BCL7A: variants seen among roughly 807,000 people sequenced by gnomAD.
BCL7A encodes the protein B-cell CLL/lymphoma 7 protein family member A.
Under a neutral mutation model 28.4 loss-of-function variants are expected in BCL7A, and 11 were observed. That is an observed-to-expected ratio of 0.39 (90% CI 0.24 to 0.64). BCL7A has a LOEUF of 0.64. Among genes scored for constraint, BCL7A ranks in the 30% least tolerant of loss-of-function variants. The pLI, the probability that BCL7A is intolerant of heterozygous loss-of-function variation, is 0.50. For synonymous variants in BCL7A, 123 were observed against 103.3 expected (o/e 1.19, Z -1.15); for missense variants, 222 against 274.8 (o/e 0.81, Z 1.36).
At chr12:122,024,226 T>C (rs932529699) in intron 1 of BCL7A, among the ~76,000 whole-genome samples, 1 of 152,306 alleles carries the variant, frequency 6.6e-6, no homozygotes, top group Non-Finnish European at 1.5e-5. Context: ...GGCTTTGGGA[T>C]CTCATGGTCC....
At chr12:122,049,540 G>A (rs992099751) in intron 4 of BCL7A, among the ~76,000 whole-genome samples, 2 of 152,016 alleles carry the variant, frequency 1.3e-5, no homozygotes, top group African/African-American at 2.4e-5. Context: ...AAAATAGCCC[G>A]GTGTGGTGGT....
In BCL7A at chr12:122,059,315, G is replaced by A. The variant is rs1951901009; in HGVS notation, c.*152G>A. On this transcript the variant is annotated 3_prime_UTR_variant, in exon 6 of 6. Transcript: ENST00000261822. This position sits in a 1 kb window ranked among gnomAD's most constrained non-coding sequence, Gnocchi z 4.0. ...TGCAAATCCAAGAAGACCCAGAACG[G>A]CGTCACTTCTCAGACACTGAAGAAC... 5 of 672,900 alleles carry A rather than the reference G, an allele frequency of 7.4e-6. No homozygotes were observed. Among genetic ancestry groups the A allele is most frequent in the Non-Finnish European group, 1.3e-5 (5 of 397,948 alleles). The allele number at this position is 672,900 out of a possible 1,614,324, so 41.7% of individuals were successfully genotyped here.
At position 122,043,879 on chromosome 12, in the gene BCL7A, C is replaced by G. The variant is rs371454940; in HGVS notation, c.272-7C>G. On this transcript the variant is annotated splice_polypyrimidine_tract_variant and splice_region_variant and intron_variant, in intron 3 of 5. Coordinates refer to ENST00000261822, the MANE Select transcript of BCL7A (RefSeq NM_001024808.3). Reference sequence around the variant, plus strand: ...TCATCCTGTGGTTCTGTTCCCACCCCCTACAGACGATAACAGCAACCAGAG... The same window carrying G: ...TCATCCTGTGGTTCTGTTCCCACCCGCTACAGACGATAACAGCAACCAGAG... The G allele has an allele frequency of 2.1e-5, 34 of 1,610,040 alleles. No homozygotes were observed. The East Asian group carries it at 2.5e-4, about 12-fold the overall frequency.
chr12:122,049,662 G>A (rs932461860), intron 4 of BCL7A, among the ~76,000 whole-genome samples: 10 of 152,072 alleles, frequency 6.6e-5, no homozygotes, highest in Admixed American at 3.9e-4. Flanking sequence ...AATACTTCCC[G>A]TTCAAGTCTG....
chr12:122,024,214 C>T (rs1179469566), intron 1 of BCL7A, among the ~76,000 whole-genome samples: 1 of 152,242 alleles, frequency 6.6e-6, no homozygotes, highest in African/African-American at 2.4e-5. Context: ...CTGAAGACCT[C>T]AGGCTTTGGG....
At chr12:122,037,704 T>C (rs2135847849) in intron 3 of BCL7A, among the ~76,000 whole-genome samples, 1 of 152,166 alleles carries the variant, frequency 6.6e-6, no homozygotes, top group East Asian at 1.9e-4. Context: ...CCCAGCACTT[T>C]GGGAGGCTGA....
At chr12:122,052,223 G>A (rs1884206851) in intron 4 of BCL7A, among the ~76,000 whole-genome samples, 1 of 152,052 alleles carries the variant, frequency 6.6e-6, no homozygotes, top group Non-Finnish European at 1.5e-5. Flanking sequence ...AACTAGAGAT[G>A]AGATTTCACT....
intron 1 of BCL7A, among the ~76,000 whole-genome samples, chr12:122,023,404 T>C (rs1883522533): frequency 6.6e-6 from 1 of 151,952 alleles, no homozygotes; most frequent in African/African-American, 2.4e-5. Flanking sequence ...GGGGGTGTCG[T>C]TTCTCGAGTA....
intron 4 of BCL7A, among the ~76,000 whole-genome samples, chr12:122,052,874 G>C (rs985397873): frequency 1.7e-4 from 24 of 141,746 alleles, no homozygotes; most frequent in South Asian, 2.7e-4. Context: ...TAGTCGGGGG[G>C]GGGGGGGGGT....
intron 1 of BCL7A, among the ~76,000 whole-genome samples, chr12:122,024,221 T>A: frequency 6.6e-6 from 1 of 152,230 alleles, no homozygotes; most frequent in East Asian, 1.9e-4. Flanking sequence ...CCTCAGGCTT[T>A]GGGATCTCAT....
Position 122,022,026 on chromosome 12 carries a change from G to T in BCL7A, c.-66G>T. On this transcript the variant is annotated 5_prime_UTR_variant, in exon 1 of 6. Coordinates refer to ENST00000261822, the MANE Select transcript of BCL7A (RefSeq NM_001024808.3). Reference sequence around the variant, plus strand: ...TGAGCGGCGGGCGGGCGCGAGTGTGGCCGCCGCGGAGCGCGAGCAGGACCC... The same window carrying T: ...TGAGCGGCGGGCGGGCGCGAGTGTGTCCGCCGCGGAGCGCGAGCAGGACCC... 6.9e-7 allele frequency: 1 copy of T among 1,440,812 alleles called. No individual in the cohort carries two copies. 89.3% of individuals were successfully genotyped at this position (1,440,812 alleles called of 1,614,324 possible). A position where few individuals can be genotyped will look rare whatever the true frequency, so the allele number is the denominator to read the frequency against.
In BCL7A at chr12:122,061,707, C is replaced by T. The variant is rs1247505045; in HGVS notation, c.*2544C>T. On this transcript the variant is annotated 3_prime_UTR_variant, in exon 6 of 6. Coordinates refer to ENST00000261822, the MANE Select transcript of BCL7A (RefSeq NM_001024808.3). Reference sequence around the variant, plus strand: ...GCTCCCAGGGCAAACCTAATTCCCCCCAAAACGTGAAGTCGGGGAAGCTGC... The same window carrying T: ...GCTCCCAGGGCAAACCTAATTCCCCTCAAAACGTGAAGTCGGGGAAGCTGC... 2 of 231,224 alleles carry T rather than the reference C, an allele frequency of 8.6e-6. No homozygotes were observed. The allele number at this position is 231,224 out of a possible 1,614,324, so 14.3% of individuals were successfully genotyped here. A position where few individuals can be genotyped will look rare whatever the true frequency, so the allele number is the denominator to read the frequency against.
At chr12:122,039,131 C>A (rs1883915728) in intron 3 of BCL7A, among the ~76,000 whole-genome samples, 1 of 151,554 alleles carries the variant, frequency 6.6e-6, no homozygotes, top group Admixed American at 6.6e-5. Context: ...CCCATCTCTA[C>A]TAAAAATACA....
intron 3 of BCL7A, among the ~76,000 whole-genome samples, chr12:122,039,509 A>AT (rs1883926582): frequency 7.1e-6 from 1 of 140,514 alleles, no homozygotes; most frequent in African/African-American, 2.6e-5. Context: ...TATATATAAT[A>AT]TATATATTAT....
At chr12:122,054,229 C>T (rs752368511) in intron 4 of BCL7A, among the ~76,000 whole-genome samples, 9 of 152,016 alleles carry the variant, frequency 5.9e-5, no homozygotes, top group Non-Finnish European at 1.2e-4. Flanking sequence ...GGACTACAGG[C>T]GCCCGCCGCC....
Position 122,061,732 on chromosome 12 carries a change from C to T in BCL7A, c.*2569C>T, listed in dbSNP as rs901896272. 1 of 230,802 alleles carries T rather than the reference C, an allele frequency of 4.3e-6. No homozygotes were observed. The allele number at this position is 230,802 out of a possible 1,614,324, so 14.3% of individuals were successfully genotyped here. On this transcript the variant is annotated 3_prime_UTR_variant, in exon 6 of 6. Coordinates refer to ENST00000261822, the MANE Select transcript of BCL7A (RefSeq NM_001024808.3). ...CCAAAACGTGAAGTCGGGGAAGCTG[C>T]GGCTACACATTCCACAAAGTGCTGG...
At chr12:122,042,063 C>T (rs911031879) in intron 3 of BCL7A, among the ~76,000 whole-genome samples, 4 of 151,972 alleles carry the variant, frequency 2.6e-5, no homozygotes, top group African/African-American at 9.7e-5. Context: ...GTGACAGACT[C>T]CATCTCAAAA....
At chr12:122,034,162 T>G (rs1883798220) in intron 2 of BCL7A, among the ~76,000 whole-genome samples, 1 of 128,586 alleles carries the variant, frequency 7.8e-6, no homozygotes. Context: ...TTACCACTGG[T>G]GGTGAGGCTC....
rs987699381 is a variant in BCL7A at position 122,048,481 on chromosome 12, T to A, written c.439+4428T>A. Among the ~76,000 whole-genome samples the A allele has an allele frequency of 4.6e-5, 7 of 152,210 alleles. No homozygotes were observed. In the East Asian group the frequency reaches 1.2e-3, roughly 25 times the overall value. On this transcript the variant is annotated intron_variant, in intron 4 of 5. Coordinates refer to ENST00000261822, the MANE Select transcript of BCL7A (RefSeq NM_001024808.3). ...AAGGAGGCAGGCTGGCCGGGTGCAG[T>A]GGCTCATGGCTGTAATCCTAGCACT...
Sources: allele counts gnomAD v4.1 joint callset (sites outside exome capture counted in the v4.1 genomes callset), GRCh38; gene constraint gnomAD v4.1.1; non-coding constraint Gnocchi (gnomAD v3.1); transcripts MANE v1.5; gene names NCBI Gene and HGNC (gene_info 2026-07-23, HGNC 2026-07-21).